FGF9: variants seen among roughly 807,000 people sequenced by gnomAD.
FGF9 encodes fibroblast growth factor 9.
A neutral mutation model predicts 19.9 loss-of-function variants in FGF9; 3 were observed. The ratio of observed to expected loss-of-function variants is 0.15; its 90% confidence interval spans 0.07 to 0.39. The LOEUF is 0.39. Among genes scored for constraint, FGF9 ranks in the 10% least tolerant of loss-of-function variants. The pLI, the probability that FGF9 is intolerant of heterozygous loss-of-function variation, is 1.00. For synonymous variants in FGF9, 107 were observed against 106.9 expected (o/e 1.00, Z -0.01); for missense variants, 175 against 256.8 (o/e 0.68, Z 2.18).
At position 21,671,970 on chromosome 13, in the gene FGF9, G is replaced by C. The variant is rs1871779016; in HGVS notation, c.58G>C (p.Gly20Arg). 7 of 1,614,224 alleles carry C rather than the reference G, an allele frequency of 4.3e-6. No individual in the cohort carries two copies. The highest frequency in any genetic ancestry group is 2.2e-5 in the East Asian group (1 of 44,880). ...YFGVQDAVPF[G>R]NVPVLPVDSP... ...CGGTGTGCAGGATGCGGTACCGTTTGGGAATGTGCCCGTGTTGCCGGTGGA... is the reference window on the plus strand; with the variant it reads ...CGGTGTGCAGGATGCGGTACCGTTTCGGAATGTGCCCGTGTTGCCGGTGGA... Residue 20 changes from glycine to arginine, a missense_variant, in exon 1 of 3, where the codon GGG (glycine) becomes CGG (arginine). Gly to Arg is a moderately radical substitution (Grantham distance 125, BLOSUM62 -2). Around this residue, in one of 3 missense-constraint regions of FGF9, gnomAD observed 69 missense variants for 73.6 expected, o/e 0.94. Coordinates refer to ENST00000382353, the MANE Select transcript of FGF9 (RefSeq NM_002010.3).
At position 21,671,986 on chromosome 13, in the gene FGF9, T is replaced by C; in HGVS notation, c.74T>C (p.Leu25Ser). 1 of 1,614,214 alleles carries C rather than the reference T, an allele frequency of 6.2e-7. No individual in the cohort carries two copies. Among genetic ancestry groups the C allele is most frequent in the Non-Finnish European group, 8.5e-7 (1 of 1,180,038 alleles). Reference sequence around the variant, plus strand: ...GTACCGTTTGGGAATGTGCCCGTGTTGCCGGTGGACAGCCCGGTTTTGTTA... The same window carrying C: ...GTACCGTTTGGGAATGTGCCCGTGTCGCCGGTGGACAGCCCGGTTTTGTTA... ...DAVPFGNVPV[L>S]PVDSPVLLSD... The change falls in exon 1 of 3, where the codon TTG becomes TCG. Residue 25 changes from leucine (L) to serine (S), a missense_variant. Coordinates refer to ENST00000382353, the MANE Select transcript of FGF9 (RefSeq NM_002010.3).
intron 2 of FGF9, among the ~76,000 whole-genome samples, chr13:21,684,142 ACTT>A (rs761679502): frequency 6.6e-6 from 1 of 152,204 alleles, no homozygotes; most frequent in African/African-American, 2.4e-5. Flanking sequence ...TGGAAATATT[ACTT>A]CTTCTGCAAA....
chr13:21,687,967 C>CTT (rs1872199247), intron 2 of FGF9, among the ~76,000 whole-genome samples: 1 of 152,094 alleles, frequency 6.6e-6, no homozygotes, highest in Non-Finnish European at 1.5e-5. Flanking sequence ...CAGATTATGC[C>CTT]CTTTGCCTTC....
At chr13:21,677,025 C>T (rs917329306) in intron 1 of FGF9, among the ~76,000 whole-genome samples, 3 of 152,214 alleles carry the variant, frequency 2.0e-5, no homozygotes, top group Non-Finnish European at 4.4e-5. Flanking sequence ...GACCTGGTCT[C>T]TCATGGACCA....
Position 21,700,250 on chromosome 13 carries a change from G to C in FGF9, c.382-940G>C, listed in dbSNP as rs183404112. 3.0e-4 allele frequency among the ~76,000 whole-genome samples: 46 copies of C among 151,852 alleles called. 1 individual carries two copies. The East Asian group carries it at 7.0e-3, about 23-fold the overall frequency. On this transcript the variant is annotated intron_variant, in intron 2 of 2. Coordinates refer to ENST00000382353, the MANE Select transcript of FGF9 (RefSeq NM_002010.3). ...TGAGAATGTAGCTTTTTTAGTTAGG[G>C]GTCTCTTCTTCTATGTAAATTCAAG...
chr13:21,691,871 G>A lies in FGF9; in HGVS notation c.382-9319G>A, dbSNP rs954706818. Among the ~76,000 whole-genome samples the A allele has an allele frequency of 2.6e-5, 4 of 152,120 alleles. No individual in the cohort carries two copies. Among genetic ancestry groups the A allele is most frequent in the Admixed American group, 1.3e-4 (2 of 15,274 alleles). The stretch of plus-strand genomic sequence containing the variant: ...ACCCCCGTTGCAGAGGGCTTCCCCC[G>A]AGGACTAAAAGGTTATGGTGCTAAG... On this transcript the variant is annotated intron_variant, in intron 2 of 2. Transcript: ENST00000382353. The surrounding 1 kb of genome is among the most constrained non-coding windows in gnomAD (Gnocchi z 4.2).
intron 1 of FGF9, among the ~76,000 whole-genome samples, chr13:21,675,353 C>T (rs991937579): frequency 9.9e-5 from 15 of 152,090 alleles, no homozygotes; most frequent in Non-Finnish European, 1.8e-4. Flanking sequence ...CGGCAGGTCC[C>T]AATATTAGCA....
At chr13:21,695,071 TGTGTGTGTGTGC>T (rs1206167584) in intron 2 of FGF9, among the ~76,000 whole-genome samples, 7 of 149,184 alleles carry the variant, frequency 4.7e-5, no homozygotes, top group Admixed American at 2.1e-4. Flanking sequence ...GATGTGTGCG[TGTGTGTGTGTGC>T]GTGTGTGTGT....
chr13:21,703,460 A>G lies in FGF9; in HGVS notation c.*2025A>G, dbSNP rs1872590510. The G allele has an allele frequency of 6.6e-6, 1 of 152,202 alleles. No individual in the cohort carries two copies. The highest frequency in any genetic ancestry group is 1.5e-5 in the Non-Finnish European group (1 of 68,042). 9.4% of individuals were successfully genotyped at this position (152,202 alleles called of 1,614,324 possible). A position where few individuals can be genotyped will look rare whatever the true frequency, so the allele number is the denominator to read the frequency against. Reference sequence around the variant, plus strand: ...AGGGGGAGGGGACAGAAGCAATGTAAAATAGTTGATTTATGATAAAGCTCA... The same window carrying G: ...AGGGGGAGGGGACAGAAGCAATGTAGAATAGTTGATTTATGATAAAGCTCA... On this transcript the variant is annotated 3_prime_UTR_variant, in exon 3 of 3. Coordinates refer to ENST00000382353, the MANE Select transcript of FGF9 (RefSeq NM_002010.3).
chr13:21,682,252 A>G (rs1361197567), intron 2 of FGF9, among the ~76,000 whole-genome samples: 2 of 151,870 alleles, frequency 1.3e-5, no homozygotes, highest in African/African-American at 2.4e-5. Context: ...GCCTCAAGTG[A>G]TCCTCTTGCC....
intron 2 of FGF9, among the ~76,000 whole-genome samples, chr13:21,693,090 C>T (rs535910291): frequency 1.4e-4 from 22 of 152,272 alleles, no homozygotes; most frequent in African/African-American, 4.6e-4. Context: ...AAGGTCCATG[C>T]CAGCATATTC....
chr13:21,673,789 G>A (rs1249212576), intron 1 of FGF9, among the ~76,000 whole-genome samples: 1 of 150,966 alleles, frequency 6.6e-6, no homozygotes, highest in Non-Finnish European at 1.5e-5. Flanking sequence ...GTGGGCGGCC[G>A]GCCTAGGTGT....
chr13:21,671,301 T>G lies in FGF9; in HGVS notation c.-612T>G. 1 of 344,850 alleles carries G rather than the reference T, an allele frequency of 2.9e-6. No homozygotes were observed. Among genetic ancestry groups the G allele is most frequent in the African/African-American group, 2.1e-5 (1 of 47,714 alleles). 21.4% of individuals were successfully genotyped at this position (344,850 alleles called of 1,614,324 possible). A position where few individuals can be genotyped will look rare whatever the true frequency, so the allele number is the denominator to read the frequency against. On this transcript the variant is annotated 5_prime_UTR_variant, in exon 1 of 3. Coordinates refer to ENST00000382353, the MANE Select transcript of FGF9 (RefSeq NM_002010.3). ...TTGGACGCCTAAAGTTTCTTCTTCT[T>G]TTTGTTTTATTATTATTATCATTTT...
chr13:21,688,017 G>T (rs868547355), intron 2 of FGF9, among the ~76,000 whole-genome samples: 1 of 152,234 alleles, frequency 6.6e-6, no homozygotes, highest in South Asian at 2.1e-4. Flanking sequence ...CACTGCATAG[G>T]CACGAAGCTC....
intron 2 of FGF9, among the ~76,000 whole-genome samples, chr13:21,695,083 CGT>C (rs59076902): frequency 0.027 from 3,690 of 136,554 alleles, 62 homozygotes; most frequent in African/African-American, 0.052. Flanking sequence ...TGTGTGTGTG[CGT>C]GTGTGTGTGT....
At chr13:21,676,866 G>T (rs1871928303) in intron 1 of FGF9, among the ~76,000 whole-genome samples, 1 of 152,156 alleles carries the variant, frequency 6.6e-6, no homozygotes, top group Non-Finnish European at 1.5e-5. Context: ...AGCACAGATG[G>T]GCTCTAGGGG....
In FGF9 at chr13:21,704,172, A is replaced by T. The variant is rs1384031272; in HGVS notation, c.*2737A>T. On this transcript the variant is annotated 3_prime_UTR_variant, in exon 3 of 3. Transcript: ENST00000382353. ...ATGGGGGTTCTGGTTTCACAAACAG[A>T]TGCTTAGATAGCCAAACCACTGTCT... 6.6e-6 allele frequency: 1 copy of T among 152,152 alleles called. No homozygotes were observed. The highest frequency in any genetic ancestry group is 1.5e-5 in the Non-Finnish European group (1 of 68,052). The allele number at this position is 152,152 out of a possible 1,614,324, so 9.4% of individuals were successfully genotyped here.
chr13:21,680,935 G>A, intron 1 of FGF9, 107 bp from the exon 2 acceptor site: 3 of 773,810 alleles, frequency 3.9e-6, no homozygotes, highest in Admixed American at 2.0e-5. Context: ...GGTTATCCAA[G>A]TGGGGAGCTG....
At chr13:21,695,069 CGTGTGTGTGTGTGCGTGTGT>C (rs1872373399) in intron 2 of FGF9, among the ~76,000 whole-genome samples, 2 of 143,388 alleles carry the variant, frequency 1.4e-5, no homozygotes, top group African/African-American at 2.5e-5. Flanking sequence ...AAGATGTGTG[CGTGTGTGTGTGTGCGTGTGT>C]GTGTGTGTGT....
Sources: allele counts gnomAD v4.1 joint callset (sites outside exome capture counted in the v4.1 genomes callset), GRCh38; gene constraint gnomAD v4.1.1; regional missense constraint gnomAD v4.1.1; non-coding constraint Gnocchi (gnomAD v3.1); transcripts MANE v1.5; gene names NCBI Gene and HGNC (gene_info 2026-07-23, HGNC 2026-07-21).